PRR16: variants seen among roughly 807,000 people sequenced by gnomAD.
The protein encoded by PRR16 is proline rich 16, also known as protein Largen.
Under a neutral mutation model 18.2 loss-of-function variants are expected in PRR16, and 6 were observed. That is an observed-to-expected ratio of 0.33 (90% CI 0.18 to 0.65). The LOEUF (loss-of-function observed/expected upper bound fraction) is 0.65, where lower values mean the gene tolerates loss of function less well. Ranked by LOEUF, PRR16 falls within the 30% of genes least tolerant of loss-of-function variation. The pLI, the probability that PRR16 is intolerant of heterozygous loss-of-function variation, is 0.74. For missense variants in PRR16, 412 were observed against 376.6 expected (o/e 1.09, Z -0.78); for synonymous variants, 151 against 147.8 (o/e 1.02, Z -0.16).
chr5:120,662,350 C>T (rs1188447691), intron 1 of PRR16, among the ~76,000 whole-genome samples: 6 of 152,030 alleles, frequency 3.9e-5, no homozygotes, highest in Non-Finnish European at 7.4e-5. Context: ...GTGATTATGA[C>T]GATAACTCAG....
chr5:120,575,544 G>A (rs1046864238), intron 1 of PRR16, among the ~76,000 whole-genome samples: 1 of 152,034 alleles, frequency 6.6e-6, no homozygotes, highest in Non-Finnish European at 1.5e-5. Flanking sequence ...TCAACAAAAT[G>A]AAGGCCAAAA....
chr5:120,667,432 C>T lies in PRR16; in HGVS notation c.160-18522C>T, dbSNP rs370782759. Among the ~76,000 whole-genome samples the T allele has an allele frequency of 4.7e-3, 715 of 151,594 alleles. 6 individuals are homozygous for T. Among genetic ancestry groups the T allele is most frequent in the African/African-American group, 0.016 (668 of 41,336 alleles). On this transcript the variant is annotated intron_variant, in intron 1 of 1. Coordinates refer to ENST00000407149, the MANE Select transcript of PRR16 (RefSeq NM_001300783.2). Reference sequence around the variant, plus strand: ...TCCTGGATTCATTAATTTTTTGAAGCGTTTTTTGTGTCTCTATTTCCTTCA... The same window carrying T: ...TCCTGGATTCATTAATTTTTTGAAGTGTTTTTTGTGTCTCTATTTCCTTCA...
chr5:120,670,089 G>T (rs1401147627), intron 1 of PRR16, among the ~76,000 whole-genome samples: 4 of 152,126 alleles, frequency 2.6e-5, no homozygotes, highest in African/African-American at 4.8e-5. Flanking sequence ...ATTTGGACAT[G>T]TGAAAAGTGA....
chr5:120,605,227 T>C (rs1754116758), intron 1 of PRR16, among the ~76,000 whole-genome samples: 1 of 152,224 alleles, frequency 6.6e-6, no homozygotes, highest in South Asian at 2.1e-4. Context: ...CTGTATTTCT[T>C]GGAGGTTTGT....
At chr5:120,502,374 T>C (rs1750491297) in intron 1 of PRR16, among the ~76,000 whole-genome samples, 1 of 149,780 alleles carries the variant, frequency 6.7e-6, no homozygotes, top group South Asian at 2.1e-4. Flanking sequence ...ATATATTATA[T>C]ATATATGTTA....
At chr5:120,668,026 G>A (rs1382483349) in intron 1 of PRR16, among the ~76,000 whole-genome samples, 6 of 152,024 alleles carry the variant, frequency 3.9e-5, no homozygotes, top group South Asian at 2.1e-4. Flanking sequence ...TTTCTGTCTC[G>A]TGGATCTGTC....
At chr5:120,592,148 A>G (rs948148287) in intron 1 of PRR16, among the ~76,000 whole-genome samples, 3 of 152,206 alleles carry the variant, frequency 2.0e-5, no homozygotes, top group Non-Finnish European at 4.4e-5. Context: ...ACATAATGAT[A>G]AAGATGTCAT....
At chr5:120,748,286 T>G in the PRR16 span, among the ~76,000 whole-genome samples, 15,760 of 152,140 alleles carry the variant, frequency 0.1, 1,035 homozygotes, top group African/African-American at 0.18. Flanking sequence ...TTTGTTAATA[T>G]CTATCTCTTT....
intron 1 of PRR16, among the ~76,000 whole-genome samples, chr5:120,559,458 T>C (rs2112714533): frequency 6.6e-6 from 1 of 152,012 alleles, no homozygotes; most frequent in East Asian, 1.9e-4. Flanking sequence ...TGAAAATGAG[T>C]TCACTCTGGA....
intron 1 of PRR16, among the ~76,000 whole-genome samples, chr5:120,481,846 A>G (rs973564716): frequency 1.1e-4 from 16 of 152,156 alleles, no homozygotes; most frequent in Non-Finnish European, 2.2e-4. Flanking sequence ...TTTAATGGTT[A>G]TATTCAAATA....
chr5:120,776,543 C>CT, the PRR16 span, among the ~76,000 whole-genome samples: 1 of 152,018 alleles, frequency 6.6e-6, no homozygotes, highest in Non-Finnish European at 1.5e-5. Flanking sequence ...TTCTAAATGA[C>CT]TGTTATTAAG....
the PRR16 span, among the ~76,000 whole-genome samples, chr5:120,732,169 A>C: frequency 6.6e-6 from 1 of 152,246 alleles, no homozygotes; most frequent in East Asian, 1.9e-4. Context: ...ACATAGAGAT[A>C]TCCTCCTCAG....
chr5:120,754,502 T>TAATATATGG, the PRR16 span, among the ~76,000 whole-genome samples: 1 of 75,678 alleles, frequency 1.3e-5, no homozygotes, highest in Non-Finnish European at 2.3e-5. Flanking sequence ...ATGTATTTTA[T>TAATATATGG]TATGTATATT....
At chr5:120,726,662 T>C in the PRR16 span, among the ~76,000 whole-genome samples, 1 of 152,022 alleles carries the variant, frequency 6.6e-6, no homozygotes, top group Non-Finnish European at 1.5e-5. Context: ...TTGAACAAAA[T>C]AGACAACAAA....
the PRR16 span, among the ~76,000 whole-genome samples, chr5:120,792,402 T>C: frequency 6.6e-6 from 1 of 152,230 alleles, no homozygotes; most frequent in Non-Finnish European, 1.5e-5. Flanking sequence ...CTTTCTTAGT[T>C]ATTTCACTTG....
chr5:120,560,454 G>A (rs1004745574), intron 1 of PRR16, among the ~76,000 whole-genome samples: 24 of 151,680 alleles, frequency 1.6e-4, no homozygotes, highest in Admixed American at 1.2e-3. Context: ...ATTTGCACAC[G>A]TTGAACCATC....
chr5:120,711,158 T>G, the PRR16 span, among the ~76,000 whole-genome samples: 2 of 152,338 alleles, frequency 1.3e-5, no homozygotes, highest in East Asian at 3.9e-4. Flanking sequence ...ATCTCAAGGT[T>G]AGTAGATTAG....
At chr5:120,576,889 T>C (rs1753096306) in intron 1 of PRR16, among the ~76,000 whole-genome samples, 1 of 152,160 alleles carries the variant, frequency 6.6e-6, no homozygotes, top group South Asian at 2.1e-4. Context: ...TGTGAACTAA[T>C]TTCCTATAAT....
intron 1 of PRR16, among the ~76,000 whole-genome samples, chr5:120,543,240 G>A (rs1463576362): frequency 2.0e-5 from 3 of 152,042 alleles, no homozygotes; most frequent in East Asian, 3.9e-4. Flanking sequence ...CGTCAAAAAC[G>A]GATGAAAACT....
Sources: gnomAD v4.1 joint callset for allele counts (sites outside exome capture counted in the v4.1 genomes callset) on GRCh38, gnomAD v4.1.1 for gene constraint, MANE v1.5 for transcripts, NCBI Gene and HGNC (gene_info 2026-07-23, HGNC 2026-07-21) for gene names.